Variants in SPIRE1 observed in about 807,000 individuals in gnomAD.
SPIRE1 encodes protein spire homolog 1.
SPIRE1 carries 40 observed loss-of-function variants against 94.1 expected under a neutral mutation model. That is an observed-to-expected ratio of 0.43 (90% CI 0.33 to 0.55). The LOEUF (loss-of-function observed/expected upper bound fraction) is 0.55, where lower values mean the gene tolerates loss of function less well. Among genes scored for constraint, SPIRE1 ranks in the 20% least tolerant of loss-of-function variants. SPIRE1 has a pLI of 0.06. For synonymous variants in SPIRE1, 376 were observed against 371.7 expected (o/e 1.01, Z -0.13); for missense variants, 838 against 975.2 (o/e 0.86, Z 1.87).
At chr18:12,532,497 G>A (rs2034712827) in intron 4 of SPIRE1, among the ~76,000 whole-genome samples, 1 of 152,060 alleles carries the variant, frequency 6.6e-6, no homozygotes, top group African/African-American at 2.4e-5. Flanking sequence ...CAGATATAAG[G>A]TAGTTTGAAA....
At chr18:12,577,802 T>C (rs1229925269) in intron 2 of SPIRE1, among the ~76,000 whole-genome samples, 2 of 152,228 alleles carry the variant, frequency 1.3e-5, no homozygotes, top group Non-Finnish European at 2.9e-5. Context: ...ATTTTACATA[T>C]ATGTGTATTT....
chr18:12,615,472 G>A (rs1460471936), intron 2 of SPIRE1, among the ~76,000 whole-genome samples: 21 of 133,496 alleles, frequency 1.6e-4, no homozygotes, highest in African/African-American at 4.5e-4. Context: ...CCAGGGAGGT[G>A]GAGGTTGCAG....
intron 2 of SPIRE1, among the ~76,000 whole-genome samples, 180 bp from the exon 3 acceptor site, chr18:12,547,084 A>C (rs1257280812): frequency 6.6e-6 from 1 of 151,794 alleles, no homozygotes; most frequent in Non-Finnish European, 1.5e-5. Context: ...TGCCATTCAT[A>C]TATAAAATAT....
chr18:12,659,992 C>T (rs559047846), upstream of SPIRE1, among the ~76,000 whole-genome samples: 42 of 152,186 alleles, frequency 2.8e-4, no homozygotes, highest in South Asian at 5.2e-3. Flanking sequence ...ATATTTTGAA[C>T]AATCCAGGAA....
At chr18:12,606,673 A>G (rs764295127) in intron 2 of SPIRE1, among the ~76,000 whole-genome samples, 1 of 151,944 alleles carries the variant, frequency 6.6e-6, no homozygotes, top group Non-Finnish European at 1.5e-5. Context: ...TGGGATTACA[A>G]GCATGCACCA....
At chr18:12,526,514 G>A (rs897466392) in intron 4 of SPIRE1, among the ~76,000 whole-genome samples, 1 of 152,046 alleles carries the variant, frequency 6.6e-6, no homozygotes, top group Non-Finnish European at 1.5e-5. Flanking sequence ...CAGAGATCAT[G>A]TTCATCTCAT....
intron 4 of SPIRE1, among the ~76,000 whole-genome samples, chr18:12,515,703 G>A (rs2034175537): frequency 1.3e-5 from 2 of 152,140 alleles, no homozygotes; most frequent in African/African-American, 4.8e-5. Context: ...TTTAGCCAAA[G>A]GAAGCTGCTT....
At chr18:12,544,431 T>G (rs1305395996) in intron 3 of SPIRE1, among the ~76,000 whole-genome samples, 1 of 152,070 alleles carries the variant, frequency 6.6e-6, no homozygotes. Flanking sequence ...CTTGAACTCT[T>G]GGCCTCAAGT....
At chr18:12,583,507 C>T (rs993125906) in intron 2 of SPIRE1, among the ~76,000 whole-genome samples, 4 of 152,020 alleles carry the variant, frequency 2.6e-5, no homozygotes, top group African/African-American at 4.8e-5. Flanking sequence ...GAGGCTGACA[C>T]AGGAGAATCG....
chr18:12,501,072 C>CAAAAAAAAAAAAAAAAAAAAAA (rs67894900), intron 6 of SPIRE1, among the ~76,000 whole-genome samples: 2 of 80,226 alleles, frequency 2.5e-5, no homozygotes, highest in African/African-American at 4.9e-5. Context: ...AACTCTGTCT[C>CAAAAAAAAAAAAAAAAAAAAAA]AAAAAAAAAA....
In SPIRE1 at chr18:12,559,470, C is replaced by T. The variant is rs1385910362; in HGVS notation, c.373-12566G>A. On this transcript the variant is annotated intron_variant, in intron 2 of 16. Coordinates refer to ENST00000409402, the MANE Select transcript of SPIRE1 (RefSeq NM_001128626.2). The surrounding 1 kb of genome is among the most constrained non-coding windows in gnomAD (Gnocchi z 4.7). ...CCCTGGTTGCCACCCGCGCCTCTCC[C>T]TCCACACCTCCCTGCAAGCAGAGGG... Among the ~76,000 whole-genome samples, 2 of 152,202 alleles carry T rather than the reference C, an allele frequency of 1.3e-5. No homozygotes were observed. The highest frequency in any genetic ancestry group is 4.8e-5 in the African/African-American group (2 of 41,456).
At chr18:12,645,025 G>A (rs2038186582) in intron 1 of SPIRE1, among the ~76,000 whole-genome samples, 1 of 151,746 alleles carries the variant, frequency 6.6e-6, no homozygotes, top group Non-Finnish European at 1.5e-5. Context: ...GCAGGTAGAT[G>A]TCTTGAGCCC....
At chr18:12,477,377 C>A (rs1045310271) in intron 10 of SPIRE1, among the ~76,000 whole-genome samples, 2 of 152,188 alleles carry the variant, frequency 1.3e-5, no homozygotes, top group African/African-American at 4.8e-5. Flanking sequence ...TTTAATATAA[C>A]TTAAATTTAA....
chr18:12,461,554 CAT>C (rs1352569349), intron 12 of SPIRE1, among the ~76,000 whole-genome samples: 3 of 148,678 alleles, frequency 2.0e-5, no homozygotes, highest in Non-Finnish European at 4.4e-5. Context: ...TATATACATA[CAT>C]GCGTGTATAT....
intron 2 of SPIRE1, among the ~76,000 whole-genome samples, chr18:12,613,069 G>C (rs1051179120): frequency 2.6e-5 from 4 of 152,062 alleles, no homozygotes; most frequent in African/African-American, 9.7e-5. Context: ...ACAAACACTT[G>C]AGGGCTGAGA....
chr18:12,545,321 A>G (rs371017465), intron 3 of SPIRE1, among the ~76,000 whole-genome samples: 45 of 152,342 alleles, frequency 3.0e-4, no homozygotes, highest in African/African-American at 1.0e-3. Context: ...TAAAGAATAT[A>G]TCTGAATTTC....
chr18:12,626,268 T>C (rs2037623540), intron 2 of SPIRE1, among the ~76,000 whole-genome samples: 1 of 152,198 alleles, frequency 6.6e-6, no homozygotes, highest in East Asian at 1.9e-4. Context: ...TCAAAAACTG[T>C]ACATAACCAG....
intron 10 of SPIRE1, among the ~76,000 whole-genome samples, chr18:12,478,454 G>C (rs1184728234): frequency 2.7e-5 from 4 of 150,882 alleles, no homozygotes; most frequent in Non-Finnish European, 5.9e-5. Flanking sequence ...GTGTAGCTAG[G>C]GTGTGTGTGT....
intron 1 of SPIRE1, among the ~76,000 whole-genome samples, chr18:12,646,180 G>C (rs1212158021): frequency 1.3e-5 from 2 of 151,854 alleles, no homozygotes; most frequent in Non-Finnish European, 2.9e-5. Flanking sequence ...CTTTCCACTT[G>C]CTGCTGCTGC....
Sources: gnomAD v4.1 joint callset for allele counts (sites outside exome capture counted in the v4.1 genomes callset) on GRCh38, gnomAD v4.1.1 for gene constraint, Gnocchi (gnomAD v3.1) non-coding constraint, MANE v1.5 for transcripts, NCBI Gene and HGNC (gene_info 2026-07-23, HGNC 2026-07-21) for gene names.